PARD3B: variants seen among roughly 807,000 people sequenced by gnomAD.
PARD3B encodes par-3 family cell polarity regulator beta.
A neutral mutation model predicts 130.2 loss-of-function variants in PARD3B; 103 were observed. The ratio of observed to expected loss-of-function variants is 0.79; its 90% CI spans 0.67 to 0.93. The LOEUF is 0.93. PARD3B is among the 40% of genes least tolerant of loss of function. The pLI is 0.00. For synonymous variants in PARD3B, 583 were observed against 553.2 expected (o/e 1.05, Z -0.76); for missense variants, 1,609 against 1,499.2 (o/e 1.07, Z -1.21).
intron 22 of PARD3B, among the ~76,000 whole-genome samples, chr2:205,569,064 C>G (rs142098358): frequency 6.6e-6 from 1 of 152,244 alleles, no homozygotes; most frequent in African/African-American, 2.4e-5. Context: ...TTTTGAAAAC[C>G]TATGTCAATT....
intron 2 of PARD3B, among the ~76,000 whole-genome samples, chr2:204,952,693 T>A (rs899656944): frequency 2.0e-5 from 3 of 151,942 alleles, no homozygotes; most frequent in African/African-American, 7.3e-5. Flanking sequence ...TAAAAATAGC[T>A]CATAAAAATA....
chr2:204,737,756 G>A (rs1253818102), intron 2 of PARD3B, among the ~76,000 whole-genome samples: 1 of 152,146 alleles, frequency 6.6e-6, no homozygotes, highest in Non-Finnish European at 1.5e-5. Flanking sequence ...TTTGTATGAA[G>A]TGAGATATAG....
chr2:205,189,119 G>T (rs1305829462), intron 14 of PARD3B, among the ~76,000 whole-genome samples: 3 of 152,082 alleles, frequency 2.0e-5, no homozygotes, highest in Admixed American at 2.0e-4. Context: ...ACAACATTGG[G>T]CTATTCCCCA....
chr2:204,607,614 A>G (rs977066818), intron 1 of PARD3B, among the ~76,000 whole-genome samples: 4 of 151,858 alleles, frequency 2.6e-5, no homozygotes, highest in Non-Finnish European at 5.9e-5. Context: ...GAAAAGGAAG[A>G]AAATTATTTT....
intron 18 of PARD3B, among the ~76,000 whole-genome samples, chr2:205,315,286 C>T (rs1008778214): frequency 6.6e-6 from 1 of 152,148 alleles, no homozygotes; most frequent in Non-Finnish European, 1.5e-5. Flanking sequence ...AGTTTCCTCT[C>T]TTGTGAAATT....
At chr2:205,533,854 A>G (rs954949199) in intron 21 of PARD3B, among the ~76,000 whole-genome samples, 1 of 152,100 alleles carries the variant, frequency 6.6e-6, no homozygotes, top group Non-Finnish European at 1.5e-5. Flanking sequence ...CGGCCTCCCA[A>G]GTATCTGGAA....
At chr2:205,236,436 A>G (rs2039065660) in intron 15 of PARD3B, among the ~76,000 whole-genome samples, 1 of 152,050 alleles carries the variant, frequency 6.6e-6, no homozygotes, top group South Asian at 2.1e-4. Flanking sequence ...AAAATTTGGC[A>G]CACACACAGA....
At chr2:204,788,692 T>A (rs923270833) in intron 2 of PARD3B, among the ~76,000 whole-genome samples, 1 of 152,192 alleles carries the variant, frequency 6.6e-6, no homozygotes, top group African/African-American at 2.4e-5. Context: ...TTAAAGGTAC[T>A]GGGCACTGGA....
chr2:204,629,230 T>C (rs932352473), intron 1 of PARD3B, among the ~76,000 whole-genome samples: 1 of 152,194 alleles, frequency 6.6e-6, no homozygotes, highest in Non-Finnish European at 1.5e-5. Flanking sequence ...AGTGGAAAGA[T>C]GACATCCTTT....
chr2:205,484,989 A>G (rs1028352665), intron 20 of PARD3B, among the ~76,000 whole-genome samples: 1 of 152,032 alleles, frequency 6.6e-6, no homozygotes, highest in African/African-American at 2.4e-5. Flanking sequence ...ATATTCGACA[A>G]CTCATTCACT....
chr2:204,894,346 A>G (rs929715059), intron 2 of PARD3B, among the ~76,000 whole-genome samples: 1 of 152,172 alleles, frequency 6.6e-6, no homozygotes, highest in East Asian at 1.9e-4. Flanking sequence ...AGGAAAAAAC[A>G]GAAAAAGGAC....
intron 18 of PARD3B, among the ~76,000 whole-genome samples, chr2:205,355,287 G>A (rs1460849671): frequency 6.6e-6 from 1 of 152,110 alleles, no homozygotes; most frequent in Non-Finnish European, 1.5e-5. Flanking sequence ...AATTAAGTGG[G>A]ACTTTTTCCT....
chr2:204,640,041 C>T (rs58727861), intron 1 of PARD3B, among the ~76,000 whole-genome samples: 15,288 of 151,960 alleles, frequency 0.1, 1,691 homozygotes, highest in African/African-American at 0.27. Flanking sequence ...ATTGCTTGAG[C>T]CCAGGAGTTC....
At chr2:204,714,215 T>C (rs1435498354) in intron 2 of PARD3B, among the ~76,000 whole-genome samples, 1 of 152,180 alleles carries the variant, frequency 6.6e-6, no homozygotes, top group Non-Finnish European at 1.5e-5. Context: ...TTCCCATTTG[T>C]ATATGTATAT....
Position 205,458,532 on chromosome 2 carries a change from A to G in PARD3B, c.3044+17860A>G, listed in dbSNP as rs1489734133. 1.3e-5 allele frequency among the ~76,000 whole-genome samples: 2 copies of G among 151,884 alleles called. No homozygotes were observed. The highest frequency in any genetic ancestry group is 4.8e-5 in the African/African-American group (2 of 41,352). On this transcript the variant is annotated intron_variant, in intron 20 of 22. Transcript: ENST00000406610. The surrounding 1 kb of genome is among the most constrained non-coding windows in gnomAD (Gnocchi z 4.8). ...TGAGCACTTAATTTTAGTTATTGTA[A>G]TTTTCAGTTTTAGGTGTCTATTTGT...
At chr2:205,085,265 T>G (rs987150228) in intron 4 of PARD3B, among the ~76,000 whole-genome samples, 14 of 152,056 alleles carry the variant, frequency 9.2e-5, no homozygotes, top group African/African-American at 2.9e-4. Flanking sequence ...GTACAAGTTT[T>G]TTTAAGTTAG....
intron 16 of PARD3B, among the ~76,000 whole-genome samples, chr2:205,297,274 A>G (rs1368368699): frequency 1.3e-5 from 2 of 149,434 alleles, no homozygotes; most frequent in Admixed American, 1.3e-4. Flanking sequence ...GAAAGCCTAG[A>G]AAAAAAAAAT....
At chr2:204,928,551 A>G (rs796753935) in intron 2 of PARD3B, among the ~76,000 whole-genome samples, 6 of 152,240 alleles carry the variant, frequency 3.9e-5, no homozygotes, top group African/African-American at 1.4e-4. Flanking sequence ...TGGTGCTTAA[A>G]CAAGTGGAGT....
At chr2:205,037,686 TATATG>T (rs1698103140) in intron 3 of PARD3B, among the ~76,000 whole-genome samples, 1 of 150,830 alleles carries the variant, frequency 6.6e-6, no homozygotes, top group African/African-American at 2.4e-5. Context: ...ACTATATATA[TATATG>T]ATATATCTCT....
Sources: gnomAD v4.1 joint callset for allele counts (sites outside exome capture counted in the v4.1 genomes callset) on GRCh38, gnomAD v4.1.1 for gene constraint, Gnocchi (gnomAD v3.1) non-coding constraint, MANE v1.5 for transcripts, NCBI Gene and HGNC (gene_info 2026-07-23, HGNC 2026-07-21) for gene names.